The following CCDC171 variants were observed in gnomAD, a reference collection of about 807,000 sequenced individuals.
CCDC171 encodes coiled-coil domain containing 171.
A neutral mutation model predicts 168.2 loss-of-function variants in CCDC171; 177 were observed. That is an observed-to-expected ratio of 1.05 (90% CI 0.93 to 1.19). The LOEUF (loss-of-function observed/expected upper bound fraction) is 1.19. Ranked by LOEUF, CCDC171 falls within the 50% of genes most tolerant of loss-of-function variation. The pLI, the probability that CCDC171 is intolerant of heterozygous loss-of-function variation, is 0.00. For synonymous variants in CCDC171, 687 were observed against 540.8 expected (o/e 1.27, Z -3.75); for missense variants, 1,991 against 1,539.0 (o/e 1.29, Z -4.91).
At chr9:15,764,011 G>A (rs1016897160) in intron 18 of CCDC171, among the ~76,000 whole-genome samples, 9 of 152,172 alleles carry the variant, frequency 5.9e-5, no homozygotes, top group African/African-American at 2.2e-4. Context: ...GGAAGCGGTG[G>A]TAGTTGGGGA....
At chr9:15,872,600 C>G (rs2062089315) in intron 23 of CCDC171, among the ~76,000 whole-genome samples, 1 of 151,992 alleles carries the variant, frequency 6.6e-6, no homozygotes, top group African/African-American at 2.4e-5. Context: ...ATCAATATCG[C>G]AGTTAAACTT....
intron 3 of CCDC171, among the ~76,000 whole-genome samples, chr9:15,573,338 C>T (rs1301637093): frequency 1.1e-4 from 17 of 152,016 alleles, no homozygotes; most frequent in Non-Finnish European, 2.2e-4. Context: ...TGCAGTGGAG[C>T]GATCTCGGCT....
chr9:15,646,450 G>C (rs1473289996), intron 7 of CCDC171, among the ~76,000 whole-genome samples: 2 of 152,262 alleles, frequency 1.3e-5, no homozygotes, highest in Non-Finnish European at 1.5e-5. Context: ...AAAAGACACA[G>C]ACTGGCAAAT....
At chr9:15,838,079 C>G (rs2060524640) in intron 21 of CCDC171, among the ~76,000 whole-genome samples, 1 of 152,026 alleles carries the variant, frequency 6.6e-6, no homozygotes, top group South Asian at 2.1e-4. Flanking sequence ...GTTTATGGCT[C>G]TCTATCATAT....
chr9:15,910,614 G>C (rs1823482887), intron 24 of CCDC171, among the ~76,000 whole-genome samples: 1 of 151,974 alleles, frequency 6.6e-6, no homozygotes, highest in African/African-American at 2.4e-5. Context: ...TGTTACATAG[G>C]TATACCTGTG....
At chr9:15,655,469 A>G (rs904431973) in intron 7 of CCDC171, among the ~76,000 whole-genome samples, 1 of 152,126 alleles carries the variant, frequency 6.6e-6, no homozygotes, top group Non-Finnish European at 1.5e-5. Context: ...CCAGGGGTGC[A>G]TTTTCTGAAC....
chr9:15,635,242 T>G lies in CCDC171; in HGVS notation c.822+11829T>G, dbSNP rs528367970. On this transcript the variant is annotated intron_variant, in intron 7 of 25. Coordinates refer to ENST00000380701, the MANE Select transcript of CCDC171 (RefSeq NM_173550.4). ...ATCTCAAAAGTAGATAAGCCAGCAG[T>G]GCAGCCTTCAGTCTGTGGTCGAAGG... Among the ~76,000 whole-genome samples the G allele has an allele frequency of 2.6e-5, 4 of 152,320 alleles. No individual in the cohort carries two copies. In the East Asian group the frequency reaches 7.7e-4, roughly 29 times the overall value.
intron 2 of CCDC171, among the ~76,000 whole-genome samples, chr9:15,569,011 A>G (rs2039984568): frequency 6.6e-6 from 1 of 152,162 alleles, no homozygotes; most frequent in Admixed American, 6.5e-5. Context: ...GTTGTCTTTC[A>G]GGGATTTTTA....
chr9:15,713,121 A>T (rs1253925585), intron 11 of CCDC171, among the ~76,000 whole-genome samples: 1 of 152,142 alleles, frequency 6.6e-6, no homozygotes, highest in Admixed American at 6.5e-5. Context: ...ATTGGTGTAT[A>T]TTTGTATATT....
chr9:16,051,117 C>G (rs1045636780), intron 1 of CCDC171, among the ~76,000 whole-genome samples: 6 of 152,224 alleles, frequency 3.9e-5, no homozygotes, highest in Admixed American at 3.3e-4. Context: ...ATAAATTCCC[C>G]TTAAAAACAT....
At chr9:15,887,757 A>T (rs1381791192) in intron 24 of CCDC171, 3 of 152,012 alleles carry the variant, frequency 2.0e-5, no homozygotes, top group Non-Finnish European at 4.4e-5. Context: ...TAGTATTATT[A>T]TTTTTCTTAA....
In CCDC171 at chr9:15,819,920, A is replaced by G. The variant is rs1203642183; in HGVS notation, c.3268-26782A>G. On this transcript the variant is annotated intron_variant, in intron 21 of 25. Transcript: ENST00000380701. Reference sequence around the variant, plus strand: ...CAGCACCACACCACACCTATTCCAAAATTGACCACATAGTTGGAAGTAAAG... The same window carrying G: ...CAGCACCACACCACACCTATTCCAAGATTGACCACATAGTTGGAAGTAAAG... Among the ~76,000 whole-genome samples the G allele has an allele frequency of 1.7e-5, 2 of 117,558 alleles. 1 individual carries two copies. The highest frequency in any genetic ancestry group is 3.8e-5 in the Non-Finnish European group (2 of 52,394). 77.1% of individuals were successfully genotyped at this position (117,558 alleles called of 152,430 possible). A position where few individuals can be genotyped will look rare whatever the true frequency, so the allele number is the denominator to read the frequency against.
Position 15,744,662 on chromosome 9 carries a change from A to T in CCDC171, c.2439A>T (p.Arg813Ser). Residue 813 changes from arginine (R) to serine (S), a missense_variant, in exon 17 of 26, where the codon AGA becomes AGT. Transcript: ENST00000380701. ...KGVIAVLAAN[R>S]LKILGQSCAS... Reference sequence around the variant, plus strand: ...TTATTGCTGTTTTGGCAGCAAACAGACTCAAGATTTTGGGCCAATCATGTG... The same window carrying T: ...TTATTGCTGTTTTGGCAGCAAACAGTCTCAAGATTTTGGGCCAATCATGTG... 6.2e-7 allele frequency: 1 copy of T among 1,614,168 alleles called. No individual in the cohort carries two copies. The highest frequency in any genetic ancestry group is 8.5e-7 in the Non-Finnish European group (1 of 1,180,012).
intron 7 of CCDC171, among the ~76,000 whole-genome samples, chr9:15,643,024 G>C: frequency 6.6e-6 from 1 of 151,806 alleles, no homozygotes; most frequent in East Asian, 1.9e-4. Context: ...AAAATTGTTA[G>C]CCTTGTTTTT....
intron 9 of CCDC171, 125 bp from the exon 10 acceptor site, chr9:15,678,633 G>GC: frequency 1.5e-6 from 1 of 660,172 alleles, no homozygotes; most frequent in Non-Finnish European, 2.4e-6. Context: ...AAAGGAGTTA[G>GC]CCTTAAAAAG....
At chr9:15,623,493 A>ACACACACC in intron 7 of CCDC171, 80 bp downstream of exon 7, 1 of 644,450 alleles carries the variant, frequency 1.6e-6, no homozygotes. Context: ...ACACACACAC[A>ACACACACC]CACACACACA....
At chr9:15,564,176 A>T (rs1435010898) in intron 2 of CCDC171, 47 bp downstream of exon 2, 1 of 1,438,782 alleles carries the variant, frequency 7.0e-7, no homozygotes, top group African/African-American at 1.4e-5. Flanking sequence ...TTTTAGTTGC[A>T]AGGAACAGGG....
chr9:15,808,769 C>T (rs1286545276), intron 21 of CCDC171, among the ~76,000 whole-genome samples: 2 of 152,140 alleles, frequency 1.3e-5, no homozygotes, highest in African/African-American at 2.4e-5. Flanking sequence ...TGTTGTCTTT[C>T]AAGTCACCCA....
At chr9:15,831,302 C>T (rs535123245) in intron 21 of CCDC171, among the ~76,000 whole-genome samples, 6 of 152,084 alleles carry the variant, frequency 3.9e-5, no homozygotes, top group African/African-American at 1.2e-4. Flanking sequence ...AACTGTACTT[C>T]GTAAGTGCTT....
Sources: allele counts gnomAD v4.1 joint callset (sites outside exome capture counted in the v4.1 genomes callset), GRCh38; gene constraint gnomAD v4.1.1; transcripts MANE v1.5; gene names NCBI Gene and HGNC (gene_info 2026-07-23, HGNC 2026-07-21).